PPP3CA: variants seen among roughly 807,000 people sequenced by gnomAD.
PPP3CA encodes the protein CAM-PRP catalytic subunit.
PPP3CA carries 14 observed loss-of-function variants against 66.5 expected under a neutral mutation model. The observed-to-expected ratio is 0.21, with a 90% confidence interval of 0.14 to 0.33. The LOEUF is 0.33. Among genes scored for constraint, PPP3CA ranks in the 10% least tolerant of loss-of-function variants. The pLI is 1.00. For synonymous variants in PPP3CA, 232 were observed against 226.2 expected, an observed-to-expected ratio of 1.03 and a Z score of -0.23; for missense variants, 317 against 639.5, an observed-to-expected ratio of 0.50 and a Z score of 5.44.
At chr4:101,135,047 C>T (rs1722572347) in intron 2 of PPP3CA, among the ~76,000 whole-genome samples, 1 of 151,978 alleles carries the variant, frequency 6.6e-6, no homozygotes, top group African/African-American at 2.4e-5. Context: ...AGGAGGGGAA[C>T]ATCACACACC....
chr4:101,060,460 A>G (rs2110224573), intron 10 of PPP3CA, among the ~76,000 whole-genome samples: 1 of 152,234 alleles, frequency 6.6e-6, no homozygotes, highest in East Asian at 1.9e-4. Context: ...GTGCTTTTGT[A>G]AGACTCAGGG....
intron 1 of PPP3CA, among the ~76,000 whole-genome samples, chr4:101,233,459 A>G (rs752814451): frequency 6.6e-6 from 1 of 151,764 alleles, no homozygotes; most frequent in Admixed American, 6.6e-5. Flanking sequence ...TGCATTTAAC[A>G]ATTTGGTTTC....
At chr4:101,202,248 T>C (rs1724988443) in intron 1 of PPP3CA, among the ~76,000 whole-genome samples, 1 of 152,138 alleles carries the variant, frequency 6.6e-6, no homozygotes, top group Non-Finnish European at 1.5e-5. Context: ...TGTTTTTAAC[T>C]TATGAAAAGT....
intron 2 of PPP3CA, among the ~76,000 whole-genome samples, chr4:101,187,206 G>A (rs1238052611): frequency 6.6e-6 from 1 of 152,114 alleles, no homozygotes; most frequent in African/African-American, 2.4e-5. Flanking sequence ...GCACAGCAGA[G>A]ATTAAATCAC....
At chr4:101,124,617 A>G (rs1249203298) in intron 2 of PPP3CA, among the ~76,000 whole-genome samples, 4 of 151,190 alleles carry the variant, frequency 2.6e-5, no homozygotes, top group Non-Finnish European at 5.9e-5. Context: ...TCAAAAAAAG[A>G]AAAAAGAGAA....
chr4:101,242,966 T>C (rs893758194), intron 1 of PPP3CA, among the ~76,000 whole-genome samples: 1 of 152,128 alleles, frequency 6.6e-6, no homozygotes, highest in Non-Finnish European at 1.5e-5. Context: ...CTGGGTTCTG[T>C]AAACCACTAA....
chr4:101,151,580 T>C (rs934521992), intron 2 of PPP3CA, among the ~76,000 whole-genome samples: 1 of 150,710 alleles, frequency 6.6e-6, no homozygotes, highest in African/African-American at 2.4e-5. Context: ...AAAGAAATGT[T>C]TACTCTCATT....
At chr4:101,303,878 T>C (rs1728456201) in intron 1 of PPP3CA, among the ~76,000 whole-genome samples, 1 of 152,212 alleles carries the variant, frequency 6.6e-6, no homozygotes, top group Admixed American at 6.5e-5. Context: ...GTTTGTATTA[T>C]CATGACCACT....
At chr4:101,135,398 C>T (rs963091091) in intron 2 of PPP3CA, among the ~76,000 whole-genome samples, 6 of 152,042 alleles carry the variant, frequency 3.9e-5, no homozygotes, top group African/African-American at 1.2e-4. Flanking sequence ...TTCTGAACTC[C>T]GTATTTTTAA....
At chr4:101,235,457 A>C (rs1366168676) in intron 1 of PPP3CA, among the ~76,000 whole-genome samples, 1 of 151,652 alleles carries the variant, frequency 6.6e-6, no homozygotes, top group Non-Finnish European at 1.5e-5. Context: ...ACACACACAG[A>C]ATGGATATAT....
intron 1 of PPP3CA, among the ~76,000 whole-genome samples, chr4:101,242,409 T>A (rs2110235175): frequency 6.6e-6 from 1 of 152,148 alleles, no homozygotes; most frequent in East Asian, 1.9e-4. Context: ...TGGTAAGCTA[T>A]TAGTCAAATA....
At chr4:101,246,784 A>T (rs965106187) in intron 1 of PPP3CA, among the ~76,000 whole-genome samples, 2 of 152,156 alleles carry the variant, frequency 1.3e-5, no homozygotes, top group African/African-American at 4.8e-5. Flanking sequence ...ATATAAAGTT[A>T]AAGGGCTTTG....
chr4:101,314,059 G>A (rs191210246), intron 1 of PPP3CA, among the ~76,000 whole-genome samples: 7 of 152,180 alleles, frequency 4.6e-5, no homozygotes, highest in South Asian at 4.1e-4. Flanking sequence ...AAAATAGAAC[G>A]CATTTGCAAC....
At chr4:101,113,275 A>G (rs1721734208) in intron 2 of PPP3CA, among the ~76,000 whole-genome samples, 1 of 152,062 alleles carries the variant, frequency 6.6e-6, no homozygotes, top group Non-Finnish European at 1.5e-5. Flanking sequence ...AGAGATGCAG[A>G]TTCACTAACA....
intron 2 of PPP3CA, among the ~76,000 whole-genome samples, chr4:101,187,380 C>A (rs933233750): frequency 6.6e-6 from 1 of 152,070 alleles, no homozygotes; most frequent in Admixed American, 6.6e-5. Context: ...ACTAAGCTAA[C>A]CAGCCACAAA....
chr4:101,313,763 C>A (rs553123199), intron 1 of PPP3CA, among the ~76,000 whole-genome samples: 4 of 152,212 alleles, frequency 2.6e-5, no homozygotes, highest in Admixed American at 2.6e-4. Context: ...AAGCAAATGG[C>A]TAACCTGGCT....
intron 2 of PPP3CA, among the ~76,000 whole-genome samples, chr4:101,115,894 G>A (rs928066160): frequency 2.0e-5 from 3 of 151,802 alleles, no homozygotes; most frequent in East Asian, 1.9e-4. Context: ...TAAAGTTTAC[G>A]AAAATTAGGT....
chr4:101,248,290 G>A (rs1726554902), intron 1 of PPP3CA, among the ~76,000 whole-genome samples: 1 of 152,092 alleles, frequency 6.6e-6, no homozygotes, highest in Admixed American at 6.6e-5. Context: ...ACCCAAATAT[G>A]CATTAAATTT....
chr4:101,229,934 A>G (rs1725906844), intron 1 of PPP3CA, among the ~76,000 whole-genome samples: 1 of 151,644 alleles, frequency 6.6e-6, no homozygotes, highest in Admixed American at 6.6e-5. Context: ...GATTGGAAAA[A>G]GAGAGAGAGA....
Sources: gnomAD v4.1 joint callset for allele counts (sites outside exome capture counted in the v4.1 genomes callset) on GRCh38, gnomAD v4.1.1 for gene constraint, MANE v1.5 for transcripts, NCBI Gene and HGNC (gene_info 2026-07-23, HGNC 2026-07-21) for gene names.